Variants in ATP2A3 observed in about 807,000 individuals in gnomAD.
The protein encoded by ATP2A3 is sarcoplasmic/endoplasmic reticulum calcium ATPase 3.
ATP2A3 carries 61 observed loss-of-function variants against 106.8 expected under a neutral mutation model. The ratio of observed to expected loss-of-function variants is 0.57; its 90% confidence interval spans 0.46 to 0.71. The LOEUF (loss-of-function observed/expected upper bound fraction) is 0.71. ATP2A3 is among the 30% of genes least tolerant of loss of function. ATP2A3 has a pLI of 0.00. For synonymous variants in ATP2A3, 611 were observed against 609.3 expected (o/e 1.00, Z -0.04); for missense variants, 1,201 against 1,423.5 (o/e 0.84, Z 2.52).
chr17:3,942,865 T>C (rs2053863962), intron 11 of ATP2A3, 134 bp from the exon 12 acceptor site: 4 of 1,348,670 alleles, frequency 3.0e-6, no homozygotes, highest in Non-Finnish European at 4.1e-6. Context: ...GACCCCACCA[T>C]TCAAGGCCTC....
In ATP2A3 at chr17:3,947,917, G is replaced by C; in HGVS notation, c.631-62C>G. Reference sequence around the variant, plus strand: ...AGCCAACCAGGGGCCCAGGACCCCTGACTCCTTCAGGCCGGAATAAGGCAC... The same window carrying C: ...AGCCAACCAGGGGCCCAGGACCCCTCACTCCTTCAGGCCGGAATAAGGCAC... On this transcript the variant is annotated intron_variant, in intron 7 of 20. Transcript: ENST00000397041. This position sits in a 1 kb window ranked among gnomAD's most constrained non-coding sequence, Gnocchi z 7.7. The C allele has an allele frequency of 2.0e-6, 3 of 1,517,796 alleles. No homozygotes were observed. Among genetic ancestry groups the C allele is most frequent in the Non-Finnish European group, 1.8e-6 (2 of 1,110,746 alleles). 94.0% of individuals were successfully genotyped at this position (1,517,796 alleles called of 1,614,324 possible).
Position 3,941,551 on chromosome 17 carries a change from C to T in ATP2A3, c.1649G>A (p.Arg550Gln), listed in dbSNP as rs199531686. The T allele has an allele frequency of 9.1e-5, 147 of 1,613,748 alleles. 1 individual carries two copies. In the East Asian group the frequency reaches 1.3e-3, roughly 14 times the overall value. The part of the protein sequence containing the change: ...TSREQILAKI[R>Q]DWGSGSDTLR... ...CGTGTCTGAGCCTGAGCCCCAATCC[C>T]GGATCTTTGCCAGGATCTGCTCCCT... Residue 550 changes from arginine (R) to glutamine (Q), a missense_variant, in exon 13 of 21, where the codon CGG (arginine) becomes CAG (glutamine). Around this residue, in one of 2 missense-constraint regions of ATP2A3, gnomAD observed 935 missense variants for 1,176.7 expected, o/e 0.79. Transcript: ENST00000397041.
At position 3,925,271 on chromosome 17, in the gene ATP2A3, G is replaced by A. The variant is rs1008694441; in HGVS notation, c.*151C>T. Reference sequence around the variant, plus strand: ...CAGAGACCCCAGGACGGGGCCCGGGGATGGCCATTCTGACCTCGGGCCTGT... The same window carrying A: ...CAGAGACCCCAGGACGGGGCCCGGGAATGGCCATTCTGACCTCGGGCCTGT... On this transcript the variant is annotated 3_prime_UTR_variant, in exon 21 of 21. Transcript: ENST00000397041. The surrounding 1 kb of genome is among the most constrained non-coding windows in gnomAD (Gnocchi z 4.2). 8.3e-6 allele frequency: 11 copies of A among 1,326,434 alleles called. No homozygotes were observed. In the African/African-American group the frequency reaches 1.4e-4, roughly 17 times the overall value. 82.2% of individuals were successfully genotyped at this position (1,326,434 alleles called of 1,614,324 possible).
rs548325639 is a variant in ATP2A3, at chr17:3,942,864, A to G, written c.1420-133T>C. 3 of 1,347,804 alleles carry G rather than the reference A, an allele frequency of 2.2e-6. No homozygotes were observed. The African/African-American group carries it at 4.3e-5, about 19-fold the overall frequency. 83.5% of individuals were successfully genotyped at this position (1,347,804 alleles called of 1,614,324 possible). On this transcript the variant is annotated intron_variant, in intron 11 of 20. Transcript: ENST00000397041. ...ACATCTACACTCCTCTGACCCCACC[A>G]TTCAAGGCCTCCATTTCCCTCTCCA...
intron 8 of ATP2A3, 97 bp from the exon 9 acceptor site, chr17:3,945,245 C>G: frequency 8.1e-7 from 1 of 1,233,634 alleles, no homozygotes; most frequent in Non-Finnish European, 1.1e-6. Flanking sequence ...GGCCCCCTGC[C>G]CGACCGAGGG....
rs779165387 is a variant in ATP2A3, at chr17:3,953,429, C to A, written c.137G>T (p.Gly46Val). The A allele has an allele frequency of 1.2e-6, 2 of 1,613,902 alleles. No homozygotes were observed. The highest frequency in any genetic ancestry group is 1.7e-5 in the Admixed American group (1 of 60,018). Residue 46 changes from glycine (G) to valine (V), a missense_variant and splice_region_variant, in exon 3 of 21, where the codon GGG becomes GTG. Transcript: ENST00000397041. This position sits in a 1 kb window ranked among gnomAD's most constrained non-coding sequence, Gnocchi z 5.1. ...CAGCACCAGCTCCCACAGGGACTTC[C>A]CTGGGAACGGGGGTCATGTGTGAGG... ...YGPNELPSEE[G>V]KSLWELVLEQ...
Position 3,926,233 on chromosome 17 carries a change from G to A in ATP2A3, c.2981-792C>T, listed in dbSNP as rs1463675902. ...GGCTTCAGAAAAACTTCCCTAAAAGGCCACCCAGCTGGCTTGGGAGCGCAA... is the reference window on the plus strand; with the variant it reads ...GGCTTCAGAAAAACTTCCCTAAAAGACCACCCAGCTGGCTTGGGAGCGCAA... On this transcript the variant is annotated intron_variant, in intron 20 of 20. Coordinates refer to ENST00000397041, the MANE Select transcript of ATP2A3 (RefSeq NM_005173.4). This position sits in a 1 kb window ranked among gnomAD's most constrained non-coding sequence, Gnocchi z 4.6. Among the ~76,000 whole-genome samples, 8 of 152,206 alleles carry A rather than the reference G, an allele frequency of 5.3e-5. No individual in the cohort carries two copies. The highest frequency in any genetic ancestry group is 1.5e-5 in the Non-Finnish European group (1 of 68,028).
chr17:3,930,547 C>A lies in ATP2A3; in HGVS notation c.2611-113G>T. The A allele has an allele frequency of 4.4e-6, 5 of 1,124,074 alleles. No individual in the cohort carries two copies. The highest frequency in any genetic ancestry group is 4.7e-5 in the East Asian group (1 of 21,360). The allele number at this position is 1,124,074 out of a possible 1,614,324, so 69.6% of individuals were successfully genotyped here. A position where few individuals can be genotyped will look rare whatever the true frequency, so the allele number is the denominator to read the frequency against. ...CCCACGCCTGGGCACAACCAGCACACAAAACACTGCCGTGGGGTGGGCTGG... is the reference window on the plus strand; with the variant it reads ...CCCACGCCTGGGCACAACCAGCACAAAAAACACTGCCGTGGGGTGGGCTGG... On this transcript the variant is annotated intron_variant, in intron 17 of 20. Transcript: ENST00000397041. The surrounding 1 kb of genome is among the most constrained non-coding windows in gnomAD (Gnocchi z 5.4).
At position 3,939,786 on chromosome 17, in the gene ATP2A3, T is replaced by TTAAAAAAAAAA. The variant is rs1555558101; in HGVS notation, c.2100+1184_2100+1185insTTTTTTTTTTA. 5.5e-4 allele frequency among the ~76,000 whole-genome samples: 28 copies of TTAAAAAAAAAA among 50,528 alleles called. 3 individuals carry two copies. The highest frequency in any genetic ancestry group is 8.7e-4 in the Admixed American group (3 of 3,444). 33.1% of individuals were successfully genotyped at this position (50,528 alleles called of 152,430 possible). On this transcript the variant is annotated intron_variant, in intron 14 of 20. Coordinates refer to ENST00000397041, the MANE Select transcript of ATP2A3 (RefSeq NM_005173.4). Reference sequence around the variant, plus strand: ...CTGGGTGACAGAGCGAGACTCTGTCTAAAAAAAAAAAAAAAAAAAAAAAAA... The same window carrying TTAAAAAAAAAA: ...CTGGGTGACAGAGCGAGACTCTGTCTTAAAAAAAAAAAAAAAAAAAAAAAAAAAAAAAAAAA...
At position 3,924,826 on chromosome 17, in the gene ATP2A3, T is replaced by C; in HGVS notation, c.*596A>G. 2.2e-6 allele frequency: 1 copy of C among 456,608 alleles called. No individual in the cohort carries two copies. The highest frequency in any genetic ancestry group is 4.4e-6 in the Non-Finnish European group (1 of 226,984). The allele number at this position is 456,608 out of a possible 1,614,324, so 28.3% of individuals were successfully genotyped here. A position where few individuals can be genotyped will look rare whatever the true frequency, so the allele number is the denominator to read the frequency against. On this transcript the variant is annotated 3_prime_UTR_variant, in exon 21 of 21. Coordinates refer to ENST00000397041, the MANE Select transcript of ATP2A3 (RefSeq NM_005173.4). The surrounding 1 kb of genome is among the most constrained non-coding windows in gnomAD (Gnocchi z 6.4). ...CCTGCACATATAAACAGAAGCAGCC[T>C]CGAGCTCTCGGGAGCCGACTTTGTG... is the stretch of plus-strand genomic sequence containing the variant.
At chr17:3,961,345 G>T (rs2055124980) in intron 1 of ATP2A3, among the ~76,000 whole-genome samples, 1 of 152,252 alleles carries the variant, frequency 6.6e-6, no homozygotes, top group Non-Finnish European at 1.5e-5. Flanking sequence ...CACCTGCAAA[G>T]GTGGGCTCAC....
In ATP2A3 at chr17:3,955,545, G is replaced by A. The variant is rs1224281073; in HGVS notation, c.119-1835C>T. Among the ~76,000 whole-genome samples, 2 of 152,166 alleles carry A rather than the reference G, an allele frequency of 1.3e-5. No homozygotes were observed. The highest frequency in any genetic ancestry group is 6.5e-5 in the Admixed American group (1 of 15,280). On this transcript the variant is annotated intron_variant, in intron 1 of 20. Coordinates refer to ENST00000397041, the MANE Select transcript of ATP2A3 (RefSeq NM_005173.4). The surrounding 1 kb of genome is among the most constrained non-coding windows in gnomAD (Gnocchi z 4.2). The stretch of plus-strand genomic sequence containing the variant: ...TCCTTCTGATCTATTTAGCTGAGGC[G>A]AACAGGAAAGGCGGGGGGAGGGCCA...
rs757672714 is a variant in ATP2A3, at chr17:3,928,222, G to A, written c.2980+441C>T. ...CCTCCCCTTGACCCACCCACAAGGT[G>A]ATACCAAAGAGGCCAACCCGGTGTG... On this transcript the variant is annotated intron_variant, in intron 20 of 20. Transcript: ENST00000397041. This position sits in a 1 kb window ranked among gnomAD's most constrained non-coding sequence, Gnocchi z 6.1. 2 of 1,613,400 alleles carry A rather than the reference G, an allele frequency of 1.2e-6. No individual in the cohort carries two copies. The highest frequency in any genetic ancestry group is 2.7e-5 in the African/African-American group (2 of 74,934).
chr17:3,951,140 T>C (rs2054396873), intron 5 of ATP2A3, 111 bp downstream of exon 5: 10 of 1,086,582 alleles, frequency 9.2e-6, no homozygotes, highest in Non-Finnish European at 1.2e-5. Flanking sequence ...GCCACTGCAC[T>C]CCAGTCTGGG....
chr17:3,939,950 T>C (rs1324846822), intron 14 of ATP2A3, among the ~76,000 whole-genome samples: 1 of 148,844 alleles, frequency 6.7e-6, no homozygotes, highest in Non-Finnish European at 1.5e-5. Context: ...CCGAAAACAG[T>C]GATCGCCTGT....
At chr17:3,954,544 C>T (rs1309423922) in intron 1 of ATP2A3, among the ~76,000 whole-genome samples, 3 of 149,914 alleles carry the variant, frequency 2.0e-5, no homozygotes, top group South Asian at 2.1e-4. Context: ...TCGCCCAGGC[C>T]AGAGTGCAGT....
intron 5 of ATP2A3, 66 bp from the exon 6 acceptor site, chr17:3,950,839 G>C (rs1439953716): frequency 1.3e-6 from 2 of 1,516,040 alleles, no homozygotes; most frequent in Non-Finnish European, 1.8e-6. Flanking sequence ...AAGCCAGAAG[G>C]GTTCCCAGAA....
chr17:3,929,181 C>A lies in ATP2A3; in HGVS notation c.2862+147G>T. 3 of 737,440 alleles carry A rather than the reference C, an allele frequency of 4.1e-6. No individual in the cohort carries two copies. The highest frequency in any genetic ancestry group is 4.4e-6 in the Non-Finnish European group (2 of 454,926). The allele number at this position is 737,440 out of a possible 1,614,324, so 45.7% of individuals were successfully genotyped here. On this transcript the variant is annotated intron_variant, in intron 19 of 20. Transcript: ENST00000397041. The surrounding 1 kb of genome is among the most constrained non-coding windows in gnomAD (Gnocchi z 4.3). ...GTCTGGGAGCTCCTGAAGGTGGGGC[C>A]ACAGCTGGAGGTGGTGGCTGGCCAG...
rs2053017408 is a variant in ATP2A3, at chr17:3,930,584, G to A, written c.2611-150C>T. ...GTGGGGTGGGCTGGGGATCCCGGGA[G>A]GGGTGCGGGGTCGGGGCGGCGGTGG... On this transcript the variant is annotated intron_variant, in intron 17 of 20. Coordinates refer to ENST00000397041, the MANE Select transcript of ATP2A3 (RefSeq NM_005173.4). The surrounding 1 kb of genome is among the most constrained non-coding windows in gnomAD (Gnocchi z 5.4). 9.4e-6 allele frequency: 11 copies of A among 1,169,816 alleles called. No homozygotes were observed. In the South Asian group the frequency reaches 1.3e-4, roughly 14 times the overall value. The allele number at this position is 1,169,816 out of a possible 1,614,324, so 72.5% of individuals were successfully genotyped here. A position where few individuals can be genotyped will look rare whatever the true frequency, so the allele number is the denominator to read the frequency against.
Sources: allele counts gnomAD v4.1 joint callset (sites outside exome capture counted in the v4.1 genomes callset), GRCh38; gene constraint gnomAD v4.1.1; regional missense constraint gnomAD v4.1.1; non-coding constraint Gnocchi (gnomAD v3.1); transcripts MANE v1.5; gene names NCBI Gene and HGNC (gene_info 2026-07-23, HGNC 2026-07-21).